The following AMMECR1 variants were observed in gnomAD, a reference collection of about 807,000 sequenced individuals.
AMMECR1 encodes the protein AMMECR nuclear protein 1.
A neutral mutation model predicts 22.5 loss-of-function variants in AMMECR1; 3 were observed. The ratio of observed to expected loss-of-function variants is 0.13; its 90% CI spans 0.06 to 0.35. The LOEUF (loss-of-function observed/expected upper bound fraction) is 0.35, where lower values mean the gene tolerates loss of function less well. Ranked by LOEUF, AMMECR1 falls within the 10% of genes least tolerant of loss-of-function variation. AMMECR1 has a pLI of 1.00. For synonymous variants in AMMECR1, 130 were observed against 116.7 expected, an observed-to-expected ratio of 1.11 and a Z score of -0.74; for missense variants, 235 against 278.7, an observed-to-expected ratio of 0.84 and a Z score of 1.12.
intron 1 of AMMECR1, among the ~76,000 whole-genome samples, chrX:110,284,020 G>T (rs1167318352): frequency 9.0e-6 from 1 of 111,397 alleles, no homozygotes; most frequent in Non-Finnish European, 1.9e-5. Context: ...TACTCAGGAG[G>T]CTGAGGCAGG....
At chrX:110,373,688 C>T (rs1240239316) in intron 2 of AMMECR1, among the ~76,000 whole-genome samples, 1 of 111,754 alleles carries the variant, frequency 8.9e-6, no homozygotes, top group Non-Finnish European at 1.9e-5. Context: ...TTTTGTAGCC[C>T]TCATGTATGA....
At chrX:110,402,393 T>G (rs1038539606) in intron 2 of AMMECR1, among the ~76,000 whole-genome samples, 14 of 112,989 alleles carry the variant, frequency 1.2e-4, no homozygotes, top group Admixed American at 1.1e-3. Context: ...GGGTTATTAT[T>G]TATATCTGAG....
chrX:110,428,059 T>C (rs1466138664), intron 1 of AMMECR1, among the ~76,000 whole-genome samples: 2 of 112,393 alleles, frequency 1.8e-5, no homozygotes, highest in Non-Finnish European at 3.8e-5. Context: ...TGTTCTTCTC[T>C]GGTTAGTTGT....
Position 110,198,581 on chromosome X carries a change from T to C in AMMECR1, c.941A>G (p.Gln314Arg). 2 of 1,204,240 alleles carry C rather than the reference T, an allele frequency of 1.7e-6. No homozygotes were observed. The change falls in exon 6 of 6, where the codon CAG (glutamine) becomes CGG (arginine). Residue 314 changes from glutamine (Q) to arginine (R), a missense_variant. By Grantham distance (43) the Gln-to-Arg change is conservative. Transcript: ENST00000262844. ...LSYAEYLAHR[Q>R]HHHFQNGIGH... ...AATGCCATTTTGGAAATGATGATGC[T>C]GGCGATGAGCAAGGTATTCAGCATA...
At chrX:110,387,857 CTTTTTTT>C (rs57937918) in intron 2 of AMMECR1, among the ~76,000 whole-genome samples, 2 of 82,808 alleles carry the variant, frequency 2.4e-5, no homozygotes, top group Non-Finnish European at 2.2e-5. Flanking sequence ...CTCCCTCTCT[CTTTTTTT>C]TTTTTTTTTT....
chrX:110,250,109 T>A (rs773800420), intron 2 of AMMECR1, among the ~76,000 whole-genome samples: 1 of 112,453 alleles, frequency 8.9e-6, no homozygotes, highest in East Asian at 2.8e-4. Context: ...TACAAAATGA[T>A]CATTTCATTA....
chrX:110,335,236 A>G (rs1432221080), intron 2 of AMMECR1, among the ~76,000 whole-genome samples: 1 of 111,489 alleles, frequency 9.0e-6, no homozygotes, highest in Non-Finnish European at 1.9e-5. Flanking sequence ...AGCTAGTATC[A>G]ATATAAAAGT....
chrX:110,304,576 C>G (rs964490121), intron 1 of AMMECR1, among the ~76,000 whole-genome samples: 4 of 112,089 alleles, frequency 3.6e-5, no homozygotes, highest in Non-Finnish European at 7.5e-5. Flanking sequence ...AATGAAAGCA[C>G]TTTGTCTACA....
Position 110,307,869 on chromosome X carries a change from T to C in AMMECR1, c.473+9730A>G, listed in dbSNP as rs903332578. On this transcript the variant is annotated intron_variant, in intron 1 of 5. Transcript: ENST00000262844. ...TGCTAGAAACTTTTTTTTTTCTTTT[T>C]TTTTTTTTTTTTTTTTTTGAGACAT... 7.3e-3 allele frequency among the ~76,000 whole-genome samples: 624 copies of C among 85,266 alleles called. 3 individuals carry two copies. The highest frequency in any genetic ancestry group is 9.8e-3 in the African/African-American group (195 of 19,955). The allele number at this position is 85,266 out of a possible 115,157, so 74.0% of individuals were successfully genotyped here.
At chrX:110,432,474 G>T (rs1454973043) in intron 1 of AMMECR1, among the ~76,000 whole-genome samples, 1 of 112,279 alleles carries the variant, frequency 8.9e-6, no homozygotes, top group African/African-American at 3.2e-5. Context: ...GCGCTGTCTG[G>T]CTGTAATTAG....
intron 2 of AMMECR1, among the ~76,000 whole-genome samples, chrX:110,361,943 C>T (rs1314061684): frequency 9.0e-6 from 1 of 111,527 alleles, no homozygotes; most frequent in African/African-American, 3.3e-5. Context: ...CTGTATTTAC[C>T]AAAACAGGGA....
At chrX:110,318,110 A>G (rs1390110756), upstream of AMMECR1, 1 of 1,071,998 alleles carries the variant, frequency 9.3e-7, no homozygotes, top group Admixed American at 3.1e-5. Flanking sequence ...TCCGACCCAT[A>G]AGTGAGGCGA....
chrX:110,370,230 CAG>C (rs1569416346), intron 2 of AMMECR1, among the ~76,000 whole-genome samples: 1 of 111,529 alleles, frequency 9.0e-6, no homozygotes. Context: ...TTTTTAAAGA[CAG>C]AGTATCACTC....
At chrX:110,296,799 G>A (rs984785968) in intron 1 of AMMECR1, among the ~76,000 whole-genome samples, 19 of 109,456 alleles carry the variant, frequency 1.7e-4, no homozygotes, top group African/African-American at 2.7e-4. Flanking sequence ...CCACAGTTTC[G>A]TTCCATTTTT....
intron 1 of AMMECR1, among the ~76,000 whole-genome samples, chrX:110,286,579 G>C (rs1233533260): frequency 9.3e-6 from 1 of 107,309 alleles, no homozygotes; most frequent in Admixed American, 9.9e-5. Flanking sequence ...GGCTCAGGTG[G>C]GAGGATCACC....
chrX:110,352,520 T>C (rs775758520), intron 2 of AMMECR1, among the ~76,000 whole-genome samples: 41 of 112,089 alleles, frequency 3.7e-4, no homozygotes, highest in African/African-American at 1.2e-3. Flanking sequence ...GGAAGTCATT[T>C]GGTGGTGCCC....
chrX:110,364,239 C>A (rs1039502289), intron 2 of AMMECR1, among the ~76,000 whole-genome samples: 2 of 111,832 alleles, frequency 1.8e-5, no homozygotes, highest in African/African-American at 6.5e-5. Context: ...TATAAGGACA[C>A]TTATCATTGG....
intron 2 of AMMECR1, among the ~76,000 whole-genome samples, chrX:110,334,323 C>A (rs1471466096): frequency 2.7e-5 from 3 of 112,033 alleles, no homozygotes; most frequent in Non-Finnish European, 3.8e-5. Context: ...TACTTGCTCA[C>A]TTTGTACCTT....
chrX:110,409,840 G>C (rs1402561221), intron 2 of AMMECR1, among the ~76,000 whole-genome samples: 3 of 111,353 alleles, frequency 2.7e-5, no homozygotes, highest in Non-Finnish European at 3.8e-5. Context: ...TGGTACATAA[G>C]TACAGAGGGA....
Sources: allele counts gnomAD v4.1 joint callset (sites outside exome capture counted in the v4.1 genomes callset), GRCh38; gene constraint gnomAD v4.1.1; transcripts MANE v1.5; gene names NCBI Gene and HGNC (gene_info 2026-07-23, HGNC 2026-07-21).